MIR17HG: variants seen among roughly 807,000 people sequenced by gnomAD.
MIR17HG encodes the protein miR-17-92a-1 cluster host gene, also known as MIR17 host gene (non-protein coding).
At chr13:91,353,380 T>G (rs1167711181) in intron 3 of MIR17HG, among the ~76,000 whole-genome samples, 1 of 152,214 alleles carries the variant, frequency 6.6e-6, no homozygotes, top group Non-Finnish European at 1.5e-5. Flanking sequence ...GATTTAAATC[T>G]AATAAACAAG....
At position 91,354,249 on chromosome 13, in the gene MIR17HG, T is replaced by TA. The variant is rs572378141; in HGVS notation, n.602dup. On this transcript the variant is annotated non_coding_transcript_exon_variant, in exon 4 of 4. Transcript: ENST00000400282. The stretch of plus-strand genomic sequence containing the variant: ...AGATTATTCTTTAGCTTAGTGGTTG[T>TA]ATGAGTTACATCTTATTAAAGTCGA... The TA allele has an allele frequency of 4.6e-5, 7 of 152,352 alleles. No individual in the cohort carries two copies. The East Asian group carries it at 1.3e-3, about 29-fold the overall frequency. The allele number at this position is 152,352 out of a possible 1,614,324, so 9.4% of individuals were successfully genotyped here.
chr13:91,352,244 A>G (rs1875351510), intron 3 of MIR17HG: 1 of 152,202 alleles, frequency 6.6e-6, no homozygotes, highest in Admixed American at 6.5e-5. Context: ...GGAAACTAAG[A>G]AGTGGCAGTT....
upstream of MIR17HG, chr13:91,347,716 C>G (rs1875028903): frequency 6.5e-6 from 1 of 153,104 alleles, no homozygotes; most frequent in Admixed American, 6.5e-5. Flanking sequence ...CGAGGTGCCG[C>G]CGCCGCCGCC....
chr13:91,353,542 A>G (rs1326238885), intron 3 of MIR17HG, among the ~76,000 whole-genome samples: 1 of 152,254 alleles, frequency 6.6e-6, no homozygotes, highest in Non-Finnish European at 1.5e-5. Flanking sequence ...GCATGCTAAC[A>G]TGCCAACAAA....
intron 3 of MIR17HG, chr13:91,350,718 A>G (rs753188057): frequency 5.6e-6 from 3 of 533,832 alleles, no homozygotes; most frequent in East Asian, 1.1e-4. Flanking sequence ...GTTGGGCTTT[A>G]AAGTGCAGGG....
intron 3 of MIR17HG, chr13:91,350,816 C>T: frequency 3.7e-6 from 2 of 534,828 alleles, no homozygotes; most frequent in Non-Finnish European, 7.7e-6. Context: ...AGTGCTCCTT[C>T]TGGCATAAGA....
chr13:91,348,449 C>G (rs1875081448), intron 1 of MIR17HG, among the ~76,000 whole-genome samples: 2 of 150,298 alleles, frequency 1.3e-5, no homozygotes, highest in Admixed American at 1.3e-4. Flanking sequence ...GGCCGCGGGC[C>G]GGGAGGGGGC....
At chr13:91,353,942 T>C (rs1875448717) in exon 4 of MIR17HG, 1 of 152,700 alleles carries the variant, frequency 6.5e-6, no homozygotes, top group Non-Finnish European at 1.5e-5. Flanking sequence ...GGCAGACCTG[T>C]CTAACTACAA....
At chr13:91,350,299 G>GT (rs756592025) in intron 3 of MIR17HG, 50 of 200,842 alleles carry the variant, frequency 2.5e-4, no homozygotes, top group East Asian at 6.2e-4. Context: ...ATTTTGTTTT[G>GT]TTTTTTTTCT....
At chr13:91,352,811 A>G (rs1006719859) in intron 3 of MIR17HG, among the ~76,000 whole-genome samples, 3 of 152,126 alleles carry the variant, frequency 2.0e-5, no homozygotes, top group African/African-American at 7.2e-5. Flanking sequence ...CTTTCAAACT[A>G]TGCTTAAAAA....
At chr13:91,350,491 C>T in intron 3 of MIR17HG, 1 of 481,614 alleles carries the variant, frequency 2.1e-6, no homozygotes, top group South Asian at 1.5e-5. Context: ...AGGGATTATG[C>T]TGAATTTGTA....
chr13:91,350,914 A>G, intron 3 of MIR17HG: 1 of 534,636 alleles, frequency 1.9e-6, no homozygotes, highest in South Asian at 1.4e-5. Context: ...AGTTTTGCAT[A>G]GTTGCACTAC....
chr13:91,348,935 G>A (rs998634363), intron 1 of MIR17HG, among the ~76,000 whole-genome samples: 4 of 149,426 alleles, frequency 2.7e-5, no homozygotes, highest in African/African-American at 9.7e-5. Context: ...GGGGGGCTGG[G>A]GGACACAAAG....
intron 3 of MIR17HG, chr13:91,350,646 T>C (rs371185425): frequency 2.4e-5 from 13 of 534,594 alleles, no homozygotes; most frequent in South Asian, 5.6e-5. Context: ...GGTAGTGATA[T>C]GTGCATCTAC....
chr13:91,351,467 T>A, intron 3 of MIR17HG: 1 of 442,430 alleles, frequency 2.3e-6, no homozygotes, highest in East Asian at 6.0e-5. Flanking sequence ...ATGTACAAGA[T>A]ACATGAAATA....
intron 3 of MIR17HG, chr13:91,350,967 G>A (rs772879142): frequency 1.9e-6 from 1 of 531,194 alleles, no homozygotes. Context: ...ACTGATGGTG[G>A]CCTGCTATTT....
At chr13:91,354,121 A>G (rs1016302399) in exon 4 of MIR17HG, 2 of 152,282 alleles carry the variant, frequency 1.3e-5, no homozygotes, top group Non-Finnish European at 2.9e-5. Context: ...TAGAGAATTA[A>G]GAGCCTCTCA....
intron 1 of MIR17HG, among the ~76,000 whole-genome samples, chr13:91,348,731 C>T (rs1875100893): frequency 6.6e-6 from 1 of 150,418 alleles, no homozygotes; most frequent in Non-Finnish European, 1.5e-5. Context: ...GGGAGTGTGG[C>T]GCGGGAGGGC....
chr13:91,348,095 G>A (rs1467232093), intron 1 of MIR17HG: 1 of 142,092 alleles, frequency 7.0e-6, no homozygotes, highest in Non-Finnish European at 1.6e-5. Context: ...GGCGGGTCTC[G>A]GCCGTTGGCC....
Sources: gnomAD v4.1 joint callset for allele counts (sites outside exome capture counted in the v4.1 genomes callset) on GRCh38, gnomAD v4.1.1 for gene constraint, MANE v1.5 for transcripts, NCBI Gene and HGNC (gene_info 2026-07-23, HGNC 2026-07-21) for gene names.